Variants in NEBL observed in about 807,000 individuals in gnomAD.
The protein encoded by NEBL is LIM and SH3 protein 2.
NEBL carries 122 observed loss-of-function variants against 140.2 expected under a neutral mutation model. The observed-to-expected ratio is 0.87, with a 90% confidence interval of 0.75 to 1.01. The LOEUF is 1.01. Ranked by LOEUF, NEBL falls within the 50% of genes least tolerant of loss-of-function variation. The pLI is 0.00. For missense variants in NEBL, 1,365 were observed against 1,231.3 expected, an observed-to-expected ratio of 1.11 and a Z score of -1.62; for synonymous variants, 436 against 398.9, an observed-to-expected ratio of 1.09 and a Z score of -1.11.
At chr10:20,796,078 T>C (rs977460427) in intron 26 of NEBL, among the ~76,000 whole-genome samples, 1 of 152,130 alleles carries the variant, frequency 6.6e-6, no homozygotes, top group Non-Finnish European at 1.5e-5. Context: ...AATGAGAACT[T>C]CTAGGCTGGG....
At chr10:21,212,882 T>C (rs1023806869) in intron 3 of NEBL, among the ~76,000 whole-genome samples, 8 of 152,204 alleles carry the variant, frequency 5.3e-5, no homozygotes, top group South Asian at 2.1e-4. Context: ...TCAAAAATTG[T>C]CACAATGTTT....
Position 21,241,367 on chromosome 10 carries a change from G to A in NEBL, n.348+6554C>T, listed in dbSNP as rs551107053. On this transcript the variant is annotated intron_variant and non_coding_transcript_variant, in intron 3 of 8. Transcript: ENST00000675702. ...GCCGCCTGCGGGATGAGCTTGTTCG[G>A]CCCCCTGGGTTGCATTCCCGTTCCA... Among the ~76,000 whole-genome samples, 3 of 152,062 alleles carry A rather than the reference G, an allele frequency of 2.0e-5. No individual in the cohort carries two copies. In the East Asian group the frequency reaches 5.8e-4, roughly 30 times the overall value.
chr10:21,135,702 G>A (rs1839325370), intron 2 of NEBL, among the ~76,000 whole-genome samples: 2 of 152,158 alleles, frequency 1.3e-5, no homozygotes, highest in African/African-American at 4.8e-5. Context: ...AGTAGAATTG[G>A]TGAGGGGTCT....
chr10:20,827,149 T>C (rs924732545), intron 17 of NEBL, among the ~76,000 whole-genome samples: 2 of 152,212 alleles, frequency 1.3e-5, no homozygotes, highest in Non-Finnish European at 2.9e-5. Flanking sequence ...GTGCCCTCGT[T>C]ATGAGTACTC....
intron 2 of NEBL, among the ~76,000 whole-genome samples, chr10:21,064,791 G>A (rs1231356182): frequency 1.3e-5 from 2 of 152,066 alleles, no homozygotes; most frequent in Non-Finnish European, 2.9e-5. Flanking sequence ...TTAAAGATAG[G>A]ATAATTAACA....
At chr10:21,213,570 A>T (rs1178816490) in intron 3 of NEBL, among the ~76,000 whole-genome samples, 1 of 152,234 alleles carries the variant, frequency 6.6e-6, no homozygotes, top group Non-Finnish European at 1.5e-5. Context: ...ATGAATAGCC[A>T]GGAAGTGTTA....
intron 3 of NEBL, among the ~76,000 whole-genome samples, chr10:21,240,575 C>T (rs939938181): frequency 5.3e-5 from 8 of 152,070 alleles, no homozygotes; most frequent in Admixed American, 3.9e-4. Flanking sequence ...CCCAAAATCG[C>T]GCTACTGCAC....
At chr10:20,826,674 G>C in intron 17 of NEBL, 135 bp from the exon 18 acceptor site, 1 of 728,284 alleles carries the variant, frequency 1.4e-6, no homozygotes, top group Non-Finnish European at 2.3e-6. Context: ...CGGAATTATA[G>C]GAACAAATTA....
At chr10:21,089,828 T>C (rs1836828071) in intron 2 of NEBL, among the ~76,000 whole-genome samples, 1 of 116,418 alleles carries the variant, frequency 8.6e-6, no homozygotes, top group Non-Finnish European at 1.6e-5. Context: ...ATAAGAAACA[T>C]GAAAACAGAT....
chr10:21,040,253 C>A (rs983151259), intron 2 of NEBL, among the ~76,000 whole-genome samples: 2 of 152,080 alleles, frequency 1.3e-5, no homozygotes, highest in African/African-American at 4.8e-5. Flanking sequence ...GTAATCCCAG[C>A]TACTTGGGAG....
At chr10:20,802,331 A>G (rs1049278453) in intron 26 of NEBL, among the ~76,000 whole-genome samples, 6 of 152,228 alleles carry the variant, frequency 3.9e-5, no homozygotes, top group Non-Finnish European at 7.3e-5. Context: ...TGTGTCAAAT[A>G]AAATATAAGT....
intron 26 of NEBL, among the ~76,000 whole-genome samples, chr10:20,789,919 ATG>A (rs1321882498): frequency 2.7e-5 from 4 of 149,730 alleles, no homozygotes; most frequent in East Asian, 2.0e-4. Context: ...GTATATATAT[ATG>A]TGTGTGTATA....
intron 1 of NEBL, among the ~76,000 whole-genome samples, chr10:21,269,561 A>C (rs1842837052): frequency 6.6e-6 from 1 of 152,202 alleles, no homozygotes; most frequent in Admixed American, 6.5e-5. Flanking sequence ...ACTATGCAGC[A>C]GCATCAGACA....
intron 1 of NEBL, among the ~76,000 whole-genome samples, chr10:21,258,441 G>T (rs7904635): frequency 6.6e-6 from 1 of 151,830 alleles, no homozygotes; most frequent in Non-Finnish European, 1.5e-5. Flanking sequence ...GCTGTGGCTC[G>T]TACCTGTAAT....
Position 20,817,702 on chromosome 10 carries a change from A to G in NEBL, c.2056-10T>C, listed in dbSNP as rs185378692. 1 of 1,595,288 alleles carries G rather than the reference A, an allele frequency of 6.3e-7. No individual in the cohort carries two copies. Among genetic ancestry groups the G allele is most frequent in the African/African-American group, 1.3e-5 (1 of 74,590 alleles). On this transcript the variant is annotated splice_polypyrimidine_tract_variant and intron_variant, in intron 20 of 27. Coordinates refer to ENST00000377122, the MANE Select transcript of NEBL (RefSeq NM_006393.3). The stretch of plus-strand genomic sequence containing the variant: ...CTCCCTTATATTTTACCTAAGAAGG[A>G]TAAATAAGAACTTTAACAGATAGCA...
upstream of NEBL, chr10:20,899,333 T>C (rs1386161081): frequency 8.7e-7 from 1 of 1,147,950 alleles, no homozygotes; most frequent in Non-Finnish European, 1.2e-6. Flanking sequence ...GAGGAGACAG[T>C]ACTGGTGTTA....
At position 20,815,722 on chromosome 10, in the gene NEBL, C is replaced by T. The variant is rs71578956; in HGVS notation, c.2149-5G>A. ...CAGCTGACCTCTGTAATAAACCTAT[C>T]ATTTCAGAGAACAAAAAATAGAATA... On this transcript the variant is annotated splice_polypyrimidine_tract_variant and splice_region_variant and intron_variant, in intron 21 of 27. Transcript: ENST00000377122. The T allele has an allele frequency of 3.1e-3, 4,787 of 1,554,908 alleles. 212 individuals carry two copies. The East Asian group carries it at 0.092, about 30-fold the overall frequency.
At chr10:21,153,594 T>C (rs1008447666) in intron 2 of NEBL, among the ~76,000 whole-genome samples, 1 of 152,102 alleles carries the variant, frequency 6.6e-6, no homozygotes, top group Non-Finnish European at 1.5e-5. Context: ...AATGATGCAA[T>C]CTCAGCTCAC....
upstream of NEBL, among the ~76,000 whole-genome samples, chr10:20,901,109 T>C (rs190301402): frequency 6.6e-6 from 1 of 152,296 alleles, no homozygotes; most frequent in East Asian, 1.9e-4. Flanking sequence ...TACACAGTGA[T>C]GTGAAAAACA....
Sources: allele counts gnomAD v4.1 joint callset (sites outside exome capture counted in the v4.1 genomes callset), GRCh38; gene constraint gnomAD v4.1.1; transcripts MANE v1.5; gene names NCBI Gene and HGNC (gene_info 2026-07-23, HGNC 2026-07-21).